ZNF732: variants seen among roughly 807,000 people sequenced by gnomAD.
The protein encoded by ZNF732 is zinc finger protein LOC654254.
ZNF732 carries 12 observed loss-of-function variants against 11.5 expected under a neutral mutation model. That is an observed-to-expected ratio of 1.05 (90% CI 0.67 to 1.70). The LOEUF is 1.70. Ranked by LOEUF, ZNF732 falls within the 40% of genes most tolerant of loss-of-function variation. ZNF732 has a pLI of 0.00. For missense variants in ZNF732, 702 were observed against 676.9 expected, an observed-to-expected ratio of 1.04 and a Z score of -0.41; for synonymous variants, 231 against 236.5, an observed-to-expected ratio of 0.98 and a Z score of 0.21.
At chr4:281,070 CAGA>C (rs1188517687) in intron 3 of ZNF732, among the ~76,000 whole-genome samples, 5 of 152,144 alleles carry the variant, frequency 3.3e-5, no homozygotes, top group East Asian at 1.9e-4. Context: ...CAACCAAGTC[CAGA>C]AGAAGTTTTT....
chr4:272,442 T>C lies in ZNF732; in HGVS notation c.415A>G (p.Lys139Glu). 6.2e-7 allele frequency: 1 copy of C among 1,600,118 alleles called. No homozygotes were observed. The highest frequency in any genetic ancestry group is 8.5e-7 in the Non-Finnish European group (1 of 1,172,196). The change falls in exon 4 of 4, where the codon AAA becomes GAA. Residue 139 changes from lysine to glutamate, a missense_variant. This residue lies in a region of ZNF732 where 596 missense variants were observed against 557.9 expected (regional missense o/e 1.07). Coordinates refer to ENST00000419098, the MANE Select transcript of ZNF732 (RefSeq NM_001137608.3). ...FNQCLSTIQSKIFQCNVHVKV... is the reference protein window; with the variant it reads ...FNQCLSTIQSEIFQCNVHVKV... ...ACATGTACATTACACTGAAATATTT[T>C]GCTCTGGATAGTTGACAAGCATTGA...
chr4:280,811 T>G (rs1553839648), intron 3 of ZNF732, among the ~76,000 whole-genome samples: 1 of 152,168 alleles, frequency 6.6e-6, no homozygotes, highest in Non-Finnish European at 1.5e-5. Context: ...ACTAGCACCA[T>G]CTGCAAAGAC....
rs75105190 is a variant in ZNF732, at chr4:274,179, A to G, written c.227-1549T>C. ...AAATTTTAAAGAGGAAAGCATAAAA[A>G]TGATCATAAACTGTTCATCATAATC... On this transcript the variant is annotated intron_variant, in intron 3 of 3. Coordinates refer to ENST00000419098, the MANE Select transcript of ZNF732 (RefSeq NM_001137608.3). Among the ~76,000 whole-genome samples the G allele has an allele frequency of 6.7e-4, 102 of 151,914 alleles. 1 individual carries two copies. In the East Asian group the frequency reaches 0.012, roughly 17 times the overall value.
chr4:278,789 G>A (rs140305227), intron 3 of ZNF732, among the ~76,000 whole-genome samples: 117 of 152,318 alleles, frequency 7.7e-4, no homozygotes, highest in African/African-American at 2.7e-3. Context: ...GGCGGACTCT[G>A]GAGCCCAGGC....
intron 3 of ZNF732, among the ~76,000 whole-genome samples, chr4:275,170 A>G (rs1387680627): frequency 6.6e-6 from 1 of 151,692 alleles, no homozygotes; most frequent in Non-Finnish European, 1.5e-5. Flanking sequence ...AAAGTCTTAA[A>G]GTTTTAAAAT....
intron 3 of ZNF732, among the ~76,000 whole-genome samples, chr4:282,827 T>C (rs1214386183): frequency 1.3e-5 from 2 of 150,898 alleles, no homozygotes; most frequent in African/African-American, 4.9e-5. Context: ...AATTAAAGCA[T>C]ATAACAAGAA....
rs1254724854 is a variant in ZNF732, at chr4:271,838, C to G, written c.1019G>C (p.Gly340Ala). 5.0e-6 allele frequency: 8 copies of G among 1,613,410 alleles called. No homozygotes were observed. Among genetic ancestry groups the G allele is most frequent in the Non-Finnish European group, 5.9e-6 (7 of 1,179,806 alleles). Residue 340 changes from glycine to alanine, a missense_variant, in exon 4 of 4, where the codon GGC becomes GCC. Coordinates refer to ENST00000419098, the MANE Select transcript of ZNF732 (RefSeq NM_001137608.3). The stretch of plus-strand genomic sequence containing the variant: ...AACTGAGGACCTACTAAAGGCTTTG[C>G]CACATTCTTCACATGTGTAGGGTTT... ...GEKPYTCEEC[G>A]KAFSRSSVLN... is the part of the protein sequence containing the mutation.
At chr4:303,857 A>T (rs1720170592) in intron 1 of ZNF732, among the ~76,000 whole-genome samples, 1 of 152,170 alleles carries the variant, frequency 6.6e-6, no homozygotes, top group Non-Finnish European at 1.5e-5. Flanking sequence ...GGAAGAAAAA[A>T]GCAGAAGAGA....
chr4:303,794 C>CAA (rs1168241345), intron 1 of ZNF732, among the ~76,000 whole-genome samples: 9 of 152,054 alleles, frequency 5.9e-5, no homozygotes, highest in African/African-American at 1.4e-4. Flanking sequence ...TTCTCGCAGG[C>CAA]AAGTGAGGGA....
intron 1 of ZNF732, among the ~76,000 whole-genome samples, chr4:299,465 A>ATATACACATATATACACATATGTGTG (rs1720053760): frequency 2.9e-5 from 2 of 68,490 alleles, no homozygotes; most frequent in African/African-American, 1.1e-4. Context: ...ATATGTGTAT[A>ATATACACATATATACACATATGTGTG]TATATATACA....
intron 1 of ZNF732, among the ~76,000 whole-genome samples, chr4:299,845 C>T (rs1340570185): frequency 1.2e-4 from 17 of 146,636 alleles, no homozygotes; most frequent in African/African-American, 3.8e-4. Flanking sequence ...TACAGGCATG[C>T]GCCACCATGC....
At chr4:297,521 G>A (rs908235931) in intron 1 of ZNF732, among the ~76,000 whole-genome samples, 4 of 149,284 alleles carry the variant, frequency 2.7e-5, no homozygotes, top group African/African-American at 5.0e-5. Flanking sequence ...TAGAATAACC[G>A]GTCAATATAA....
At chr4:299,578 A>G (rs1414261107) in intron 1 of ZNF732, among the ~76,000 whole-genome samples, 2 of 138,580 alleles carry the variant, frequency 1.4e-5, no homozygotes, top group African/African-American at 2.7e-5. Flanking sequence ...TATATATATA[A>G]TTTATATATA....
rs547230333 is a variant in ZNF732 at position 288,162 on chromosome 4, C to CA, written c.226+7275dup. ...GTTTATTCTGAATGTTAACTTTTGTCAAACACATAATTTTTAATTTTTTTT... is the reference window on the plus strand; with the variant it reads ...GTTTATTCTGAATGTTAACTTTTGTCAAAACACATAATTTTTAATTTTTTTT... On this transcript the variant is annotated intron_variant, in intron 3 of 3. Transcript: ENST00000419098. 3.5e-3 allele frequency among the ~76,000 whole-genome samples: 531 copies of CA among 152,150 alleles called. 4 individuals are homozygous for CA. The highest frequency in any genetic ancestry group is 0.012 in the African/African-American group (501 of 41,508).
chr4:290,829 C>T (rs190747455), intron 3 of ZNF732, among the ~76,000 whole-genome samples: 1 of 152,342 alleles, frequency 6.6e-6, no homozygotes, highest in Admixed American at 6.5e-5. Flanking sequence ...ACCCTTGTGA[C>T]CCAGCTACAA....
At chr4:275,909 AAGT>A (rs1310911669) in intron 3 of ZNF732, among the ~76,000 whole-genome samples, 1 of 151,740 alleles carries the variant, frequency 6.6e-6, no homozygotes, top group African/African-American at 2.4e-5. Context: ...AAAACAGAAA[AAGT>A]AGGTAGTTAT....
intron 3 of ZNF732, among the ~76,000 whole-genome samples, chr4:279,557 A>G (rs781925718): frequency 2.5e-4 from 38 of 152,248 alleles, no homozygotes; most frequent in Non-Finnish European, 4.9e-4. Context: ...TCAGGACCTG[A>G]AGAGAAAAAA....
At position 271,601 on chromosome 4, in the gene ZNF732, T is replaced by C. The variant is rs1553837470; in HGVS notation, c.1256A>G (p.Lys419Arg). The C allele has an allele frequency of 6.2e-7, 1 of 1,612,610 alleles. No homozygotes were observed. Among genetic ancestry groups the C allele is most frequent in the Non-Finnish European group, 8.5e-7 (1 of 1,179,348 alleles). The change falls in exon 4 of 4, where the codon AAA becomes AGA. Residue 419 changes from lysine (K) to arginine (R), a missense_variant. Lys to Arg is a conservative substitution (Grantham distance 26). Around this residue, in one of 3 missense-constraint regions of ZNF732, gnomAD observed 596 missense variants for 557.9 expected, o/e 1.07. Coordinates refer to ENST00000419098, the MANE Select transcript of ZNF732 (RefSeq NM_001137608.3). Reference sequence around the variant, plus strand: ...AAAGGCTTTGCCACACTCTTCACATTTGTGGGGCCTCTCTCCAGTATGAAT... The same window carrying C: ...AAAGGCTTTGCCACACTCTTCACATCTGTGGGGCCTCTCTCCAGTATGAAT... ...KRIHTGERPH[K>R]CEECGKAFGW...
At chr4:304,200 G>C (rs2352928) in intron 1 of ZNF732, among the ~76,000 whole-genome samples, 49,220 of 151,924 alleles carry the variant, frequency 0.32, 8,205 homozygotes, top group South Asian at 0.47. Flanking sequence ...AATGCGAATG[G>C]CCAGTGAGCG....
Sources: gnomAD v4.1 joint callset for allele counts (sites outside exome capture counted in the v4.1 genomes callset) on GRCh38, gnomAD v4.1.1 for gene constraint, gnomAD v4.1.1 regional missense constraint, MANE v1.5 for transcripts, NCBI Gene and HGNC (gene_info 2026-07-23, HGNC 2026-07-21) for gene names.